Variants in TBC1D10A observed in about 807,000 individuals in gnomAD.
TBC1D10A encodes the protein TBC1 domain family member 10A.
In TBC1D10A, 24 loss-of-function variants were observed where a neutral mutation model predicts 52.9. The observed-to-expected ratio is 0.45, with a 90% CI of 0.33 to 0.64. The LOEUF (loss-of-function observed/expected upper bound fraction) is 0.64, where lower values mean the gene tolerates loss of function less well. TBC1D10A is among the 30% of genes least tolerant of loss of function. TBC1D10A has a pLI of 0.02. For synonymous variants in TBC1D10A, 278 were observed against 282.9 expected, an observed-to-expected ratio of 0.98 and a Z score of 0.17; for missense variants, 602 against 687.9, an observed-to-expected ratio of 0.88 and a Z score of 1.40.
chr22:30,292,642 G>A lies in TBC1D10A; in HGVS notation c.1260C>T (p.Gly420=). Residue 420 remains glycine, a synonymous_variant, in exon 9 of 9, where the codon GGC becomes GGT. Transcript: ENST00000215790. The part of the protein sequence containing the change: ...IRLPLDAPLP[G]SKAKPKPPKQ... The stretch of plus-strand genomic sequence containing the variant: ...TGGGTGGCTTGGGCTTGGCTTTGGA[G>A]CCAGGGAGGGGGGCATCTAGGGGCA... 2 of 1,612,294 alleles carry A rather than the reference G, an allele frequency of 1.2e-6. No individual in the cohort carries two copies. The highest frequency in any genetic ancestry group is 1.7e-6 in the Non-Finnish European group (2 of 1,179,132).
intron 1 of TBC1D10A, among the ~76,000 whole-genome samples, chr22:30,310,688 T>C (rs1930407177): frequency 6.6e-6 from 1 of 151,946 alleles, no homozygotes; most frequent in Non-Finnish European, 1.5e-5. Context: ...AGGCACACAA[T>C]CCCCCAAGGA....
Position 30,297,389 on chromosome 22 carries a change from G to A in TBC1D10A, c.418-1546C>T, listed in dbSNP as rs1455122926. 6 of 152,330 alleles carry A rather than the reference G, an allele frequency of 3.9e-5. No individual in the cohort carries two copies. Among genetic ancestry groups the A allele is most frequent in the African/African-American group, 1.4e-4 (6 of 41,456 alleles). 9.4% of individuals were successfully genotyped at this position (152,330 alleles called of 1,614,324 possible). Reference sequence around the variant, plus strand: ...GAGGGCCCCACAAATTCTCCTAGCAGTTCCCATGAGGTAGGAACCCGAAAA... The same window carrying A: ...GAGGGCCCCACAAATTCTCCTAGCAATTCCCATGAGGTAGGAACCCGAAAA... On this transcript the variant is annotated intron_variant, in intron 3 of 8. Transcript: ENST00000215790. The surrounding 1 kb of genome is among the most constrained non-coding windows in gnomAD (Gnocchi z 4.3).
At chr22:30,309,451 C>T (rs1201796650) in intron 1 of TBC1D10A, among the ~76,000 whole-genome samples, 1 of 152,184 alleles carries the variant, frequency 6.6e-6, no homozygotes, top group African/African-American at 2.4e-5. Context: ...GTCTCAATCT[C>T]TTGACTATGT....
rs1023919644 is a variant in TBC1D10A, at chr22:30,297,863, G to C, written c.417+1581C>G. The C allele has an allele frequency of 1.3e-5, 2 of 152,240 alleles. No homozygotes were observed. The highest frequency in any genetic ancestry group is 4.8e-5 in the African/African-American group (2 of 41,420). The allele number at this position is 152,240 out of a possible 1,614,324, so 9.4% of individuals were successfully genotyped here. The stretch of plus-strand genomic sequence containing the variant: ...GGCACAGGACCCGCAGCAACCAGGG[G>C]AAGCTCCTCATGCTTCCTCTGGGTC... On this transcript the variant is annotated intron_variant, in intron 3 of 8. Transcript: ENST00000215790. This position sits in a 1 kb window ranked among gnomAD's most constrained non-coding sequence, Gnocchi z 4.3.
At chr22:30,315,201 C>T (rs918552600) in intron 1 of TBC1D10A, among the ~76,000 whole-genome samples, 3 of 152,092 alleles carry the variant, frequency 2.0e-5, no homozygotes, top group African/African-American at 4.8e-5. Flanking sequence ...TGGAAGAGCA[C>T]GTGAGGGAAG....
In TBC1D10A at chr22:30,293,647, G is replaced by A. The variant is rs749189662; in HGVS notation, c.1050+4C>T. The A allele has an allele frequency of 1.2e-5, 20 of 1,604,116 alleles. No homozygotes were observed. The highest frequency in any genetic ancestry group is 4.0e-5 in the African/African-American group (3 of 74,728). Reference sequence around the variant, plus strand: ...CCATGATAAGGGGCAGGCATGGGCTGTACCTCCTGGACCAGAAAGGCCTCC... The same window carrying A: ...CCATGATAAGGGGCAGGCATGGGCTATACCTCCTGGACCAGAAAGGCCTCC... On this transcript the variant is annotated splice_donor_region_variant and intron_variant, in intron 8 of 8. Transcript: ENST00000215790.
At chr22:30,295,135 G>T in intron 4 of TBC1D10A, 80 bp from the exon 5 acceptor site, 1 of 1,387,058 alleles carries the variant, frequency 7.2e-7, no homozygotes, top group Non-Finnish European at 1.0e-6. Flanking sequence ...CAGTGGACCA[G>T]CCAGCCTCAG....
At chr22:30,307,286 A>G (rs1163680720) in intron 1 of TBC1D10A, among the ~76,000 whole-genome samples, 1 of 152,234 alleles carries the variant, frequency 6.6e-6, no homozygotes. Flanking sequence ...CTCATCCTCC[A>G]GAAAACCCCT....
At chr22:30,293,519 T>G (rs1929997846) in intron 8 of TBC1D10A, 132 bp downstream of exon 8, 14 of 1,276,304 alleles carry the variant, frequency 1.1e-5, no homozygotes, top group Non-Finnish European at 1.5e-5. Context: ...TCCACCCACA[T>G]GTTCTGTGTT....
chr22:30,293,214 C>T, intron 8 of TBC1D10A: 1 of 630,734 alleles, frequency 1.6e-6, no homozygotes, highest in Admixed American at 2.1e-5. Context: ...ATTCCAGCTC[C>T]ACCTGGGTGG....
chr22:30,310,127 TG>T (rs1930395612), intron 1 of TBC1D10A, among the ~76,000 whole-genome samples: 1 of 152,216 alleles, frequency 6.6e-6, no homozygotes, highest in Non-Finnish European at 1.5e-5. Context: ...TGAAGTTAGC[TG>T]AGCTAGGTAC....
chr22:30,311,528 G>T (rs963785274), intron 1 of TBC1D10A, among the ~76,000 whole-genome samples: 1 of 152,140 alleles, frequency 6.6e-6, no homozygotes, highest in Non-Finnish European at 1.5e-5. Context: ...TTCCCATGAG[G>T]AATTCCCTGG....
intron 1 of TBC1D10A, among the ~76,000 whole-genome samples, chr22:30,313,622 C>T (rs1290710604): frequency 1.6e-5 from 2 of 125,602 alleles, no homozygotes; most frequent in African/African-American, 3.1e-5. Context: ...AGGATGGTCT[C>T]GATCTCCTGA....
chr22:30,312,237 T>C (rs745745103), intron 1 of TBC1D10A, among the ~76,000 whole-genome samples: 9 of 152,214 alleles, frequency 5.9e-5, no homozygotes, highest in Non-Finnish European at 1.0e-4. Context: ...GACTCATCCT[T>C]ACCAAACTGC....
At position 30,292,502 on chromosome 22, in the gene TBC1D10A, T is replaced by C; in HGVS notation, c.1400A>G (p.Gln467Arg). ...GGCTGAGTCCTTCGGGGGCACATGC[T>C]GTGGGGGACATGCATCTCCTGCAGC... The part of the protein sequence containing the change: ...VAAAGDACPP[Q>R]HVPPKDSAPK... The change falls in exon 9 of 9, where the codon CAG becomes CGG. Residue 467 changes from glutamine (Q) to arginine (R), a missense_variant. Coordinates refer to ENST00000215790, the MANE Select transcript of TBC1D10A (RefSeq NM_031937.3). 6.2e-7 allele frequency: 1 copy of C among 1,609,960 alleles called. No individual in the cohort carries two copies. The highest frequency in any genetic ancestry group is 8.5e-7 in the Non-Finnish European group (1 of 1,178,114).
intron 1 of TBC1D10A, among the ~76,000 whole-genome samples, chr22:30,309,273 G>T (rs1930379084): frequency 6.6e-6 from 1 of 150,798 alleles, no homozygotes; most frequent in Non-Finnish European, 1.5e-5. Flanking sequence ...GTCTTGCTCT[G>T]TCGCCCAGGC....
chr22:30,292,219 T>C lies in TBC1D10A; in HGVS notation c.*156A>G, dbSNP rs1208325433. 2 of 637,096 alleles carry C rather than the reference T, an allele frequency of 3.1e-6. No homozygotes were observed. Among genetic ancestry groups the C allele is most frequent in the East Asian group, 2.9e-5 (1 of 34,268 alleles). The allele number at this position is 637,096 out of a possible 1,614,324, so 39.5% of individuals were successfully genotyped here. On this transcript the variant is annotated 3_prime_UTR_variant, in exon 9 of 9. Transcript: ENST00000215790. ...TAAGGAGGCTCAGGCAGAATCTGTG[T>C]TGGACCAGGCAGAATCTGTGTTGGA...
chr22:30,318,968 G>GA (rs150034035), intron 1 of TBC1D10A: 23,330 of 318,712 alleles, frequency 0.073, 1,054 homozygotes, highest in Non-Finnish European at 0.092. Context: ...TTCAAGGCTA[G>GA]ACTGAGACTG....
rs1451892765 is a variant in TBC1D10A, at chr22:30,303,275, T to A, written c.309+1256A>T. On this transcript the variant is annotated intron_variant, in intron 2 of 8. Transcript: ENST00000215790. ...GCCTGGGTGACAGAGTGAGACCCTG[T>A]CTCAAATAAATAGTTAGATAGATAG... Among the ~76,000 whole-genome samples the A allele has an allele frequency of 2.0e-5, 3 of 151,536 alleles. No individual in the cohort carries two copies. The East Asian group carries it at 5.8e-4, about 29-fold the overall frequency.
Sources: allele counts gnomAD v4.1 joint callset (sites outside exome capture counted in the v4.1 genomes callset), GRCh38; gene constraint gnomAD v4.1.1; non-coding constraint Gnocchi (gnomAD v3.1); transcripts MANE v1.5; gene names NCBI Gene and HGNC (gene_info 2026-07-23, HGNC 2026-07-21).